Variants in TCF7L2 observed in about 807,000 individuals in gnomAD.
TCF7L2 encodes the protein transcription factor 7-like 2.
TCF7L2 carries 23 observed loss-of-function variants against 77.9 expected under a neutral mutation model. The ratio of observed to expected loss-of-function variants is 0.30; its 90% CI spans 0.21 to 0.42. The LOEUF is 0.42. TCF7L2 is among the 10% of genes least tolerant of loss of function. TCF7L2 has a pLI of 1.00. For missense variants in TCF7L2, 654 were observed against 793.1 expected (o/e 0.82, Z 2.11); for synonymous variants, 413 against 340.2 (o/e 1.21, Z -2.36).
intron 5 of TCF7L2, among the ~76,000 whole-genome samples, chr10:113,128,634 T>C (rs1592084894): frequency 6.6e-6 from 1 of 152,086 alleles, no homozygotes; most frequent in African/African-American, 2.4e-5. Flanking sequence ...TGTGTTTGCT[T>C]TTGAAGAGGG....
In TCF7L2 at chr10:113,150,088, A is replaced by G. The variant is rs1283839296; in HGVS notation, c.876-910A>G. The stretch of plus-strand genomic sequence containing the variant: ...TAATGTACTTGGTTGGGAAATGCCA[A>G]TTCAGGTCCTAAAATGTGCCTTAGA... On this transcript the variant is annotated intron_variant, in intron 8 of 13. Transcript: ENST00000627217. 2.6e-5 allele frequency among the ~76,000 whole-genome samples: 4 copies of G among 152,218 alleles called. No individual in the cohort carries two copies. In the East Asian group the frequency reaches 5.8e-4, roughly 22 times the overall value.
chr10:113,153,792 G>T (rs1042108981), intron 11 of TCF7L2, among the ~76,000 whole-genome samples: 2 of 152,222 alleles, frequency 1.3e-5, no homozygotes, highest in East Asian at 1.9e-4. Flanking sequence ...CTTAGCATCC[G>T]CCAGGAAATC....
chr10:113,112,195 A>G (rs887026608), intron 5 of TCF7L2, among the ~76,000 whole-genome samples: 3 of 152,254 alleles, frequency 2.0e-5, no homozygotes, highest in African/African-American at 4.8e-5. Context: ...GAGGCATGAC[A>G]TAATTCAATT....
intron 4 of TCF7L2, among the ~76,000 whole-genome samples, chr10:112,981,066 A>C (rs2040395606): frequency 6.6e-6 from 1 of 152,238 alleles, no homozygotes; most frequent in Admixed American, 6.5e-5. Flanking sequence ...CCCTAAGCTA[A>C]GAACATTCTT....
chr10:113,127,221 C>A lies in TCF7L2; in HGVS notation c.553-13963C>A, dbSNP rs1286105648. On this transcript the variant is annotated intron_variant, in intron 5 of 13. Transcript: ENST00000627217. The stretch of plus-strand genomic sequence containing the variant: ...GCTTTTTTATTATTATTAACTTGGA[C>A]GTGAATACGGAGGGGTTTCGGGTTT... Among the ~76,000 whole-genome samples the A allele has an allele frequency of 8.2e-5, 12 of 145,908 alleles. No individual in the cohort carries two copies. The Admixed American group carries it at 8.3e-4, about 10-fold the overall frequency.
At chr10:113,023,725 A>G (rs1041985787) in intron 4 of TCF7L2, among the ~76,000 whole-genome samples, 24 of 151,400 alleles carry the variant, frequency 1.6e-4, no homozygotes, top group Non-Finnish European at 2.8e-4. Context: ...CTGGAGTGCA[A>G]TGGCGTGATC....
intron 3 of TCF7L2, among the ~76,000 whole-genome samples, chr10:112,964,106 C>A (rs1198206890): frequency 6.6e-6 from 1 of 152,166 alleles, no homozygotes; most frequent in East Asian, 1.9e-4. Flanking sequence ...GGATGGGGTG[C>A]TTGTACTTGT....
At chr10:113,150,685 G>A (rs1182874267) in intron 8 of TCF7L2, among the ~76,000 whole-genome samples, 4 of 152,178 alleles carry the variant, frequency 2.6e-5, no homozygotes, top group Non-Finnish European at 5.9e-5. Flanking sequence ...AAAACAAGTG[G>A]ACGTGCGATT....
At chr10:113,156,794 G>T (rs867470540) in intron 11 of TCF7L2, among the ~76,000 whole-genome samples, 1 of 152,228 alleles carries the variant, frequency 6.6e-6, no homozygotes, top group Non-Finnish European at 1.5e-5. Context: ...GTGGTTGAGG[G>T]CTTTGGAGCC....
chr10:113,019,913 A>G (rs1590556550), intron 4 of TCF7L2, among the ~76,000 whole-genome samples: 1 of 152,136 alleles, frequency 6.6e-6, no homozygotes, highest in East Asian at 1.9e-4. Flanking sequence ...AGGCAGGTTT[A>G]CGTTATGTTA....
At chr10:113,026,012 G>A (rs1234052461) in intron 4 of TCF7L2, among the ~76,000 whole-genome samples, 1 of 151,706 alleles carries the variant, frequency 6.6e-6, no homozygotes, top group African/African-American at 2.4e-5. Flanking sequence ...TAGAGTAGCT[G>A]GGACTACAGA....
rs1211638135 is a variant in TCF7L2 at position 113,141,330 on chromosome 10, T to C, written c.685+14T>C. On this transcript the variant is annotated intron_variant, in intron 6 of 13. Coordinates refer to ENST00000627217, the MANE Select transcript of TCF7L2 (RefSeq NM_001146274.2). ...ACCCCAAAACAGGTAGGCTGTGGGC[T>C]ACGGAGCCAAGGTAGAGTGCTGGTC... The C allele has an allele frequency of 6.2e-7, 1 of 1,614,032 alleles. No individual in the cohort carries two copies. Among genetic ancestry groups the C allele is most frequent in the Non-Finnish European group, 8.5e-7 (1 of 1,179,966 alleles).
intron 4 of TCF7L2, among the ~76,000 whole-genome samples, chr10:113,005,707 T>TG (rs972502528): frequency 1.6e-4 from 24 of 151,986 alleles, no homozygotes; most frequent in African/African-American, 5.3e-4. Flanking sequence ...AGGGGTTGGC[T>TG]GGGGGGGAGG....
Position 113,061,355 on chromosome 10 carries a change from G to C in TCF7L2, c.552+21229G>C, listed in dbSNP as rs1002147965. ...TATTCTGAGGTCCAGCGTCTGCATG[G>C]AGATCTGCCTATCCTTCACTTGGGG... On this transcript the variant is annotated intron_variant, in intron 5 of 13. Coordinates refer to ENST00000627217, the MANE Select transcript of TCF7L2 (RefSeq NM_001146274.2). Among the ~76,000 whole-genome samples, 60 of 152,186 alleles carry C rather than the reference G, an allele frequency of 3.9e-4. 1 individual carries two copies. Among genetic ancestry groups the C allele is most frequent in the Non-Finnish European group, 8.8e-5 (6 of 68,038 alleles).
intron 12 of TCF7L2, 35 bp downstream of exon 12, chr10:113,158,104 G>A (rs1324991641): frequency 2.5e-6 from 4 of 1,571,126 alleles, no homozygotes; most frequent in Non-Finnish European, 3.5e-6. Flanking sequence ...GGAAGGAGCT[G>A]TAGCCTGAGG....
At chr10:113,124,492 G>A (rs998394199) in intron 5 of TCF7L2, among the ~76,000 whole-genome samples, 31 of 152,026 alleles carry the variant, frequency 2.0e-4, no homozygotes, top group Non-Finnish European at 4.4e-5. Flanking sequence ...ATATCATCTC[G>A]AAGACAACTT....
chr10:113,057,161 C>A (rs1272337158), intron 5 of TCF7L2, among the ~76,000 whole-genome samples: 1 of 152,164 alleles, frequency 6.6e-6, no homozygotes, highest in Non-Finnish European at 1.5e-5. Flanking sequence ...TGGTTTCTCT[C>A]CCTTCCTCTT....
chr10:113,150,353 G>C (rs111862986), intron 8 of TCF7L2, among the ~76,000 whole-genome samples: 2 of 151,384 alleles, frequency 1.3e-5, no homozygotes, highest in African/African-American at 4.8e-5. Context: ...TAAAGGGATA[G>C]AAACTTATTT....
chr10:113,066,034 C>A (rs2057200869), intron 5 of TCF7L2, among the ~76,000 whole-genome samples: 4 of 152,118 alleles, frequency 2.6e-5, no homozygotes, highest in Admixed American at 2.6e-4. Flanking sequence ...TTTGCAACAC[C>A]ATGTTTTCTG....
Sources: gnomAD v4.1 joint callset for allele counts (sites outside exome capture counted in the v4.1 genomes callset) on GRCh38, gnomAD v4.1.1 for gene constraint, MANE v1.5 for transcripts, NCBI Gene and HGNC (gene_info 2026-07-23, HGNC 2026-07-21) for gene names.